The following TTC7A variants were observed in gnomAD, a reference collection of about 807,000 sequenced individuals.
TTC7A encodes tetratricopeptide repeat protein 7A.
A neutral mutation model predicts 103.7 loss-of-function variants in TTC7A; 110 were observed. That is an observed-to-expected ratio of 1.06 (90% confidence interval 0.91 to 1.24). The LOEUF (loss-of-function observed/expected upper bound fraction) is 1.24, where lower values mean the gene tolerates loss of function less well. TTC7A is among the 50% of genes most tolerant of loss of function. TTC7A has a pLI of 0.00. For missense variants in TTC7A, 1,340 were observed against 1,116.3 expected (o/e 1.20, Z -2.86); for synonymous variants, 521 against 467.9 (o/e 1.11, Z -1.47).
At chr2:46,925,843 A>G (rs1171235668) in intron 2 of TTC7A, among the ~76,000 whole-genome samples, 1 of 152,194 alleles carries the variant, frequency 6.6e-6, no homozygotes, top group Non-Finnish European at 1.5e-5. Flanking sequence ...CATACTTCCT[A>G]TGTGTTCAGC....
chr2:47,014,832 G>A (rs1572910932), intron 11 of TTC7A, among the ~76,000 whole-genome samples: 1 of 152,292 alleles, frequency 6.6e-6, no homozygotes, highest in African/African-American at 2.4e-5. Context: ...TGTGCTGGGT[G>A]AAGCTGGACT....
At chr2:47,011,498 G>A in intron 11 of TTC7A, 63 bp downstream of exon 11, 4 of 1,347,038 alleles carry the variant, frequency 3.0e-6, no homozygotes, top group Non-Finnish European at 3.1e-6. Context: ...GCAGCTGGCT[G>A]TGCACGTCTT....
chr2:46,936,961 C>A (rs182357115), upstream of TTC7A, among the ~76,000 whole-genome samples: 90 of 151,758 alleles, frequency 5.9e-4, no homozygotes, highest in Admixed American at 2.4e-3. Flanking sequence ...CTCAAGCGAT[C>A]CTCCCACCTC....
chr2:46,939,291 A>G (rs899824463), upstream of TTC7A, among the ~76,000 whole-genome samples: 6 of 152,082 alleles, frequency 3.9e-5, no homozygotes, highest in Non-Finnish European at 8.8e-5. Flanking sequence ...GCAGTGGCTC[A>G]AGCCTGTAAT....
At chr2:47,059,082 C>T (rs555881548) in intron 18 of TTC7A, among the ~76,000 whole-genome samples, 3 of 136,066 alleles carry the variant, frequency 2.2e-5, no homozygotes, top group Non-Finnish European at 3.0e-5. Context: ...AGCACAGTGG[C>T]GCGATCGCAG....
At chr2:47,034,272 GCAGGGGGCCT>G (rs899514239) in intron 15 of TTC7A, 17 of 152,252 alleles carry the variant, frequency 1.1e-4, no homozygotes, top group African/African-American at 3.9e-4. Context: ...GGCCAGGCCT[GCAGGGGGCCT>G]CAGGGGGCAG....
chr2:47,038,270 AAAAAG>A (rs1332454593), intron 15 of TTC7A, among the ~76,000 whole-genome samples: 11 of 150,144 alleles, frequency 7.3e-5, no homozygotes, highest in East Asian at 5.9e-4. Context: ...AAAAAAAAAA[AAAAAG>A]AAAGAAAAAA....
At chr2:47,015,646 A>T (rs1244433532) in intron 11 of TTC7A, among the ~76,000 whole-genome samples, 1 of 152,242 alleles carries the variant, frequency 6.6e-6, no homozygotes, top group African/African-American at 2.4e-5. Flanking sequence ...TGACATGAAG[A>T]GTGCCCCTGC....
intron 2 of TTC7A, among the ~76,000 whole-genome samples, chr2:46,922,813 A>G (rs1249481031): frequency 6.6e-6 from 1 of 152,140 alleles, no homozygotes; most frequent in Non-Finnish European, 1.5e-5. Flanking sequence ...CTCCAATTCA[A>G]TTCAATTCTG....
chr2:46,980,889 T>C (rs55824224), intron 5 of TTC7A, among the ~76,000 whole-genome samples: 10,370 of 152,260 alleles, frequency 0.068, 390 homozygotes, highest in Non-Finnish European at 0.082. Flanking sequence ...ATGACTGGTG[T>C]GCAGTACCAC....
intron 3 of TTC7A, among the ~76,000 whole-genome samples, chr2:46,969,030 G>T (rs1212565707): frequency 6.6e-6 from 1 of 151,370 alleles, no homozygotes; most frequent in Admixed American, 6.6e-5. Flanking sequence ...AGCTCCCACA[G>T]TGCTGGGATT....
At chr2:46,976,203 C>T (rs918936175) in intron 4 of TTC7A, among the ~76,000 whole-genome samples, 3 of 152,232 alleles carry the variant, frequency 2.0e-5, no homozygotes, top group South Asian at 2.1e-4. Flanking sequence ...TAATTTAACC[C>T]TCACACTGAC....
In TTC7A at chr2:47,024,326, C is replaced by G. The variant is rs748029375; in HGVS notation, c.1608C>G (p.Leu536=). The G allele has an allele frequency of 3.1e-6, 5 of 1,609,518 alleles. No individual in the cohort carries two copies. The South Asian group carries it at 5.5e-5, about 18-fold the overall frequency. The change falls in exon 14 of 20, where the codon CTC becomes CTG. Residue 536 remains leucine (L), a synonymous_variant. Coordinates refer to ENST00000319190, the MANE Select transcript of TTC7A (RefSeq NM_020458.4). ...QLAPSDPQVI[L]YVSLQLALVR... ...CGCCCAGTGACCCCCAGGTCATCCT[C>G]TATGTCTCGCTGCAGCTGGCCCTCG...
chr2:46,984,959 C>T (rs955001242), intron 5 of TTC7A, among the ~76,000 whole-genome samples: 1 of 152,128 alleles, frequency 6.6e-6, no homozygotes, highest in African/African-American at 2.4e-5. Flanking sequence ...GCGCTGACTC[C>T]CACCCCTCTG....
rs555962609 is a variant in TTC7A at position 46,958,744 on chromosome 2, A to G, written c.517+1737A>G. Among the ~76,000 whole-genome samples, 15 of 152,184 alleles carry G rather than the reference A, an allele frequency of 9.9e-5. No individual in the cohort carries two copies. The South Asian group carries it at 3.1e-3, about 32-fold the overall frequency. ...CCTGACCCTGTGTGTGCTTGAGACCATGCACGTGGCCACCAGGGTGTGCAT... is the reference window on the plus strand; with the variant it reads ...CCTGACCCTGTGTGTGCTTGAGACCGTGCACGTGGCCACCAGGGTGTGCAT... On this transcript the variant is annotated intron_variant, in intron 3 of 19. Coordinates refer to ENST00000319190, the MANE Select transcript of TTC7A (RefSeq NM_020458.4).
chr2:47,010,054 C>A (rs1677873922), intron 10 of TTC7A, among the ~76,000 whole-genome samples: 1 of 152,100 alleles, frequency 6.6e-6, no homozygotes. Flanking sequence ...TGGCTTTGAA[C>A]AAGTTACCTG....
chr2:46,971,050 T>G (rs1274373321), intron 3 of TTC7A, among the ~76,000 whole-genome samples: 1 of 152,246 alleles, frequency 6.6e-6, no homozygotes, highest in African/African-American at 2.4e-5. Context: ...CAGAGCACTT[T>G]GCACTTTGTC....
At chr2:47,050,469 C>T (rs1682764700) in intron 17 of TTC7A, 1 of 165,466 alleles carries the variant, frequency 6.0e-6, no homozygotes, top group Non-Finnish European at 1.3e-5. Flanking sequence ...TCCTGAAACC[C>T]ATGGCTTGTG....
chr2:47,070,093 C>A (rs1481944499), intron 19 of TTC7A, among the ~76,000 whole-genome samples: 3 of 152,242 alleles, frequency 2.0e-5, no homozygotes, highest in Non-Finnish European at 4.4e-5. Context: ...AGCATGCACA[C>A]CCCTAGACCT....
Sources: allele counts gnomAD v4.1 joint callset (sites outside exome capture counted in the v4.1 genomes callset), GRCh38; gene constraint gnomAD v4.1.1; transcripts MANE v1.5; gene names NCBI Gene and HGNC (gene_info 2026-07-23, HGNC 2026-07-21).